The following CACNA1C variants were observed in gnomAD, a reference collection of about 807,000 sequenced individuals.
The protein encoded by CACNA1C is voltage-dependent L-type calcium channel subunit alpha-1C.
A neutral mutation model predicts 229.0 loss-of-function variants in CACNA1C; 30 were observed. The observed-to-expected ratio is 0.13, with a 90% CI of 0.10 to 0.18. CACNA1C has a LOEUF of 0.18. CACNA1C is among the 10% of genes least tolerant of loss of function. The pLI is 1.00. For synonymous variants in CACNA1C, 1,114 were observed against 1,132.5 expected (o/e 0.98, Z 0.33); for missense variants, 1,658 against 2,845.0 (o/e 0.58, Z 9.49).
chr12:2,559,183 C>T (rs979522463), intron 11 of CACNA1C, among the ~76,000 whole-genome samples: 2 of 152,124 alleles, frequency 1.3e-5, no homozygotes, highest in Non-Finnish European at 2.9e-5. Context: ...CCAAAGCCCC[C>T]ACACAATAAG....
At chr12:2,397,976 C>A (rs1158222468) in intron 3 of CACNA1C, among the ~76,000 whole-genome samples, 1 of 152,234 alleles carries the variant, frequency 6.6e-6, no homozygotes, top group African/African-American at 2.4e-5. Flanking sequence ...CCAGGAGGCC[C>A]CTGCCTAGCC....
intron 3 of CACNA1C, among the ~76,000 whole-genome samples, chr12:2,175,645 G>A (rs149203779): frequency 0.011 from 1,690 of 152,182 alleles, 14 homozygotes; most frequent in Non-Finnish European, 0.018. Context: ...ATCCATTGAC[G>A]ATTGTTGCCC....
At chr12:2,175,224 G>A (rs187786847) in intron 3 of CACNA1C, among the ~76,000 whole-genome samples, 28 of 152,220 alleles carry the variant, frequency 1.8e-4, no homozygotes, top group South Asian at 1.0e-3. Context: ...TTATTATGTC[G>A]AAATATCTTT....
intron 13 of CACNA1C, among the ~76,000 whole-genome samples, chr12:2,572,315 C>CTCT (rs2055080988): frequency 6.9e-6 from 1 of 144,942 alleles, no homozygotes; most frequent in African/African-American, 2.5e-5. Flanking sequence ...CCTCCTCCTC[C>CTCT]TCCTCTTCCT....
At chr12:2,535,487 C>T (rs1462929767) in intron 9 of CACNA1C, among the ~76,000 whole-genome samples, 1 of 151,528 alleles carries the variant, frequency 6.6e-6, no homozygotes, top group African/African-American at 2.4e-5. Context: ...TCGCTTGATC[C>T]CAGGACTTCA....
intron 43 of CACNA1C, among the ~76,000 whole-genome samples, chr12:2,684,770 A>G (rs1203176403): frequency 5.3e-5 from 8 of 152,222 alleles, no homozygotes; most frequent in African/African-American, 1.9e-4. Context: ...AGAAAATACA[A>G]TAGGGAGGCC....
chr12:2,028,208 C>T (rs1177674532), intron 1 of CACNA1C, among the ~76,000 whole-genome samples: 1 of 152,178 alleles, frequency 6.6e-6, no homozygotes, highest in Non-Finnish European at 1.5e-5. Context: ...CACAGAGTTA[C>T]AAGGGTTCCA....
At chr12:2,109,649 C>G (rs193273652) in intron 1 of CACNA1C, among the ~76,000 whole-genome samples, 1 of 152,066 alleles carries the variant, frequency 6.6e-6, no homozygotes, top group Admixed American at 6.5e-5. Context: ...GCCCAATTTA[C>G]GAGTTCTGTT....
At chr12:2,535,563 G>C (rs901200501) in intron 9 of CACNA1C, among the ~76,000 whole-genome samples, 5 of 148,786 alleles carry the variant, frequency 3.4e-5, no homozygotes, top group African/African-American at 1.2e-4. Flanking sequence ...ATAATTAGCT[G>C]GGTGTGGTTG....
chr12:2,187,578 G>C (rs2097079221), intron 3 of CACNA1C, among the ~76,000 whole-genome samples: 1 of 152,222 alleles, frequency 6.6e-6, no homozygotes, highest in Admixed American at 6.5e-5. Flanking sequence ...CCCTCTCAGA[G>C]GGAAAAGCTG....
intron 3 of CACNA1C, among the ~76,000 whole-genome samples, chr12:2,179,608 T>C (rs2096771259): frequency 6.6e-6 from 1 of 152,180 alleles, no homozygotes; most frequent in South Asian, 2.1e-4. Context: ...GCTGCTAGAA[T>C]ATTGGCTCCA....
In CACNA1C at chr12:2,486,502, T is replaced by G. The variant is rs971363499; in HGVS notation, c.916+240T>G. The stretch of plus-strand genomic sequence containing the variant: ...GCAAACTTCGTTCAGCACTTTTCAA[T>G]AAGCTACACAATTTGAGAAACATTT... On this transcript the variant is annotated intron_variant, in intron 6 of 46. Coordinates refer to ENST00000399655, the MANE Select transcript of CACNA1C (RefSeq NM_000719.7). The surrounding 1 kb of genome is among the most constrained non-coding windows in gnomAD (Gnocchi z 4.9). 3.3e-5 allele frequency among the ~76,000 whole-genome samples: 5 copies of G among 152,226 alleles called. No homozygotes were observed. The highest frequency in any genetic ancestry group is 5.9e-5 in the Non-Finnish European group (4 of 68,038).
chr12:2,602,031 C>A lies in CACNA1C; in HGVS notation c.2960+71C>A. On this transcript the variant is annotated intron_variant, in intron 22 of 46. Coordinates refer to ENST00000399655, the MANE Select transcript of CACNA1C (RefSeq NM_000719.7). This position sits in a 1 kb window ranked among gnomAD's most constrained non-coding sequence, Gnocchi z 4.4. ...GGGGTGCCAGAGAGGACAACCAGACCCTGGAGGGCCTGCCTGCAGGGCCAC... is the reference window on the plus strand; with the variant it reads ...GGGGTGCCAGAGAGGACAACCAGACACTGGAGGGCCTGCCTGCAGGGCCAC... 1 of 986,042 alleles carries A rather than the reference C, an allele frequency of 1.0e-6. No individual in the cohort carries two copies. The highest frequency in any genetic ancestry group is 1.6e-6 in the Non-Finnish European group (1 of 614,490). The allele number at this position is 986,042 out of a possible 1,614,324, so 61.1% of individuals were successfully genotyped here.
At chr12:2,199,260 G>A (rs556236826) in intron 3 of CACNA1C, among the ~76,000 whole-genome samples, 3 of 152,066 alleles carry the variant, frequency 2.0e-5, no homozygotes, top group Non-Finnish European at 1.5e-5. Flanking sequence ...TGAACAGTAC[G>A]GGTTTGAACT....
chr12:2,343,591 T>G (rs961900637), intron 3 of CACNA1C, among the ~76,000 whole-genome samples: 2 of 152,230 alleles, frequency 1.3e-5, no homozygotes, highest in Non-Finnish European at 2.9e-5. Flanking sequence ...GTCCTGTATT[T>G]TATCTGTAGC....
At chr12:2,159,877 T>A (rs1488870166) in intron 3 of CACNA1C, among the ~76,000 whole-genome samples, 2 of 152,236 alleles carry the variant, frequency 1.3e-5, no homozygotes, top group African/African-American at 4.8e-5. Context: ...GTGCTGGGAT[T>A]ATAGGCGTGA....
chr12:2,606,740 G>A (rs1408304128), intron 25 of CACNA1C, 77 bp downstream of exon 25: 3 of 1,325,564 alleles, frequency 2.3e-6, no homozygotes, highest in Non-Finnish European at 3.2e-6. Context: ...AGAAAGGAGG[G>A]ACAGCTCATT....
chr12:2,492,454 G>T (rs1208156608), intron 6 of CACNA1C, among the ~76,000 whole-genome samples: 1 of 152,232 alleles, frequency 6.6e-6, no homozygotes, highest in Non-Finnish European at 1.5e-5. Flanking sequence ...TATTCATGCT[G>T]CAGAGCAAAG....
intron 31 of CACNA1C, among the ~76,000 whole-genome samples, chr12:2,648,908 G>C (rs528695482): frequency 2.0e-5 from 3 of 152,152 alleles, no homozygotes; most frequent in African/African-American, 7.2e-5. Context: ...AGGGTAAGGA[G>C]GGAAGACAGG....
Sources: allele counts gnomAD v4.1 joint callset (sites outside exome capture counted in the v4.1 genomes callset), GRCh38; gene constraint gnomAD v4.1.1; non-coding constraint Gnocchi (gnomAD v3.1); transcripts MANE v1.5; gene names NCBI Gene and HGNC (gene_info 2026-07-23, HGNC 2026-07-21).